Variants in TIMM10B observed in about 807,000 individuals in gnomAD.
TIMM10B encodes the protein mitochondrial import inner membrane translocase subunit Tim10 B.
A neutral mutation model predicts 12.6 loss-of-function variants in TIMM10B; 17 were observed. The observed-to-expected ratio is 1.35, with a 90% confidence interval of 0.92 to 2.03. TIMM10B has a LOEUF of 2.03. Ranked by LOEUF, TIMM10B falls within the 30% of genes most tolerant of loss-of-function variation. The probability of loss-of-function intolerance (pLI) is 0.00; values close to 1 mark genes in which losing one functional copy is unlikely to be tolerated. For missense variants in TIMM10B, 165 were observed against 133.3 expected, an observed-to-expected ratio of 1.24 and a Z score of -1.17; for synonymous variants, 63 against 51.3, an observed-to-expected ratio of 1.23 and a Z score of -0.97.
Position 6,483,675 on chromosome 11 carries a change from C to T in TIMM10B, c.*1454C>T, listed in dbSNP as rs954805152. 6.6e-6 allele frequency: 1 copy of T among 152,274 alleles called. No individual in the cohort carries two copies. The highest frequency in any genetic ancestry group is 6.5e-5 in the Admixed American group (1 of 15,290). The allele number at this position is 152,274 out of a possible 1,614,324, so 9.4% of individuals were successfully genotyped here. On this transcript the variant is annotated 3_prime_UTR_variant, in exon 3 of 3. Transcript: ENST00000254616. The stretch of plus-strand genomic sequence containing the variant: ...ACACCTCTACTGCTGTCCTTAATCC[C>T]ATACCCCACCCTCATCAGGTGACCC...
Position 6,481,757 on chromosome 11 carries a change from C to G in TIMM10B, c.40C>G (p.Leu14Val), listed in dbSNP as rs776882340. 4.3e-6 allele frequency: 7 copies of G among 1,614,152 alleles called. No homozygotes were observed. In the East Asian group the frequency reaches 1.6e-4, roughly 36 times the overall value. Residue 14 changes from leucine (L) to valine (V), a missense_variant and splice_region_variant, in exon 2 of 3, where the codon CTG becomes GTG. By Grantham distance (32) the Leu-to-Val change is conservative. Coordinates refer to ENST00000254616, the MANE Select transcript of TIMM10B (RefSeq NM_012192.4). ...QQQQQQQLRN[L>V]RDFLLVYNRM... Reference sequence around the variant, plus strand: ...GTTTGTGGTCCCCCTTTTCTCTCAGCTGCGTGACTTCCTGTTGGTCTACAA... The same window carrying G: ...GTTTGTGGTCCCCCTTTTCTCTCAGGTGCGTGACTTCCTGTTGGTCTACAA...
Position 6,481,987 on chromosome 11 carries a change from A to T in TIMM10B, c.136-58A>T. The T allele has an allele frequency of 3.1e-6, 5 of 1,595,198 alleles. No individual in the cohort carries two copies. The South Asian group carries it at 4.4e-5, about 14-fold the overall frequency. ...CCCCTAGGCTGGGCATGGGGAAGAAAGGAGGCGGACCCGACAGGGCACCTT... is the reference window on the plus strand; with the variant it reads ...CCCCTAGGCTGGGCATGGGGAAGAATGGAGGCGGACCCGACAGGGCACCTT... On this transcript the variant is annotated intron_variant, in intron 2 of 2. Coordinates refer to ENST00000254616, the MANE Select transcript of TIMM10B (RefSeq NM_012192.4).
At position 6,484,464 on chromosome 11, in the gene TIMM10B, C is replaced by G. The variant is rs1486804217; in HGVS notation, c.*2243C>G. On this transcript the variant is annotated 3_prime_UTR_variant, in exon 3 of 3. Coordinates refer to ENST00000254616, the MANE Select transcript of TIMM10B (RefSeq NM_012192.4). Reference sequence around the variant, plus strand: ...CCCCCTTTAGCTGCTATCTCTTGAACAGAAAAGTTTGTTAGGAAGGTAAAA... The same window carrying G: ...CCCCCTTTAGCTGCTATCTCTTGAAGAGAAAAGTTTGTTAGGAAGGTAAAA... 1 of 152,172 alleles carries G rather than the reference C, an allele frequency of 6.6e-6. No homozygotes were observed. Among genetic ancestry groups the G allele is most frequent in the African/African-American group, 2.4e-5 (1 of 41,454 alleles). 9.4% of individuals were successfully genotyped at this position (152,172 alleles called of 1,614,324 possible).
rs962690450 is a variant in TIMM10B, at chr11:6,483,939, T to G, written c.*1718T>G. The G allele has an allele frequency of 1.3e-5, 2 of 152,154 alleles. No homozygotes were observed. Among genetic ancestry groups the G allele is most frequent in the Admixed American group, 6.5e-5 (1 of 15,276 alleles). 9.4% of individuals were successfully genotyped at this position (152,154 alleles called of 1,614,324 possible). A position where few individuals can be genotyped will look rare whatever the true frequency, so the allele number is the denominator to read the frequency against. Reference sequence around the variant, plus strand: ...TTATTGAGCACACACTTTGTGTAGGTTCTGATTTTGGTAGATGTCATGCTT... The same window carrying G: ...TTATTGAGCACACACTTTGTGTAGGGTCTGATTTTGGTAGATGTCATGCTT... On this transcript the variant is annotated 3_prime_UTR_variant, in exon 3 of 3. Coordinates refer to ENST00000254616, the MANE Select transcript of TIMM10B (RefSeq NM_012192.4).
rs1406812452 is a variant in TIMM10B at position 6,484,561 on chromosome 11, T to G, written c.*2340T>G. 6.6e-6 allele frequency: 1 copy of G among 152,212 alleles called. No homozygotes were observed. Among genetic ancestry groups the G allele is most frequent in the Non-Finnish European group, 1.5e-5 (1 of 68,030 alleles). The allele number at this position is 152,212 out of a possible 1,614,324, so 9.4% of individuals were successfully genotyped here. On this transcript the variant is annotated 3_prime_UTR_variant, in exon 3 of 3. Transcript: ENST00000254616. Reference sequence around the variant, plus strand: ...AAATATAAATGCAAGTAAAACAGGTTTGAACTTCTTAACTTCCAGAAGATA... The same window carrying G: ...AAATATAAATGCAAGTAAAACAGGTGTGAACTTCTTAACTTCCAGAAGATA...
Position 6,481,534 on chromosome 11 carries a change from G to A in TIMM10B, c.18G>A (p.Gln6=), listed in dbSNP as rs779161044. The change falls in exon 1 of 3, where the codon CAG becomes CAA. Residue 6 remains glutamine (Q), a synonymous_variant. Transcript: ENST00000254616. MERQQ[Q]QQQQLRNLRD... is the part of the protein sequence containing the mutation. The stretch of plus-strand genomic sequence containing the variant: ...GTGGCGTGATGGAGCGGCAGCAGCA[G>A]CAGCAACAGCAACTGCGAAACGTAA... 1 of 1,611,964 alleles carries A rather than the reference G, an allele frequency of 6.2e-7. No homozygotes were observed. The highest frequency in any genetic ancestry group is 8.5e-7 in the Non-Finnish European group (1 of 1,179,380).
rs1367897883 is a variant in TIMM10B, at chr11:6,484,010, C to T, written c.*1789C>T. ...CTATAAGTAAGAGGTATTAACCTCACTTAACAGATGAGGAAGCAAGAATCC... is the reference window on the plus strand; with the variant it reads ...CTATAAGTAAGAGGTATTAACCTCATTTAACAGATGAGGAAGCAAGAATCC... On this transcript the variant is annotated 3_prime_UTR_variant, in exon 3 of 3. Coordinates refer to ENST00000254616, the MANE Select transcript of TIMM10B (RefSeq NM_012192.4). 2 of 151,990 alleles carry T rather than the reference C, an allele frequency of 1.3e-5. No homozygotes were observed. Among genetic ancestry groups the T allele is most frequent in the African/African-American group, 4.8e-5 (2 of 41,364 alleles). The allele number at this position is 151,990 out of a possible 1,614,324, so 9.4% of individuals were successfully genotyped here.
Position 6,481,906 on chromosome 11 carries a change from C to T in TIMM10B, c.135+54C>T, listed in dbSNP as rs900859470. 20 of 1,607,216 alleles carry T rather than the reference C, an allele frequency of 1.2e-5. No individual in the cohort carries two copies. The African/African-American group carries it at 2.3e-4, about 18-fold the overall frequency. On this transcript the variant is annotated intron_variant, in intron 2 of 2. Coordinates refer to ENST00000254616, the MANE Select transcript of TIMM10B (RefSeq NM_012192.4). The stretch of plus-strand genomic sequence containing the variant: ...GCAAGAAGAGTTTAGCGGTAGACTG[C>T]TTCCCTCCTCACCCCACTTCCCGTA...
Position 6,482,127 on chromosome 11 carries a change from C to G in TIMM10B, c.218C>G (p.Ala73Gly). ...GCCGCTTACGTGCAGCTCATGCCTG[C>G]CCTGGTACAGCGCCGCATCGCAGAC... ...LMAAYVQLMPALVQRRIADYE... is the reference protein window; with the variant it reads ...LMAAYVQLMPGLVQRRIADYE... The change falls in exon 3 of 3, where the codon GCC (alanine) becomes GGC (glycine). Residue 73 changes from alanine to glycine, a missense_variant. Ala to Gly is a moderately conservative substitution (Grantham distance 60). Transcript: ENST00000254616. 1 of 1,613,540 alleles carries G rather than the reference C, an allele frequency of 6.2e-7. No homozygotes were observed. Among genetic ancestry groups the G allele is most frequent in the Non-Finnish European group, 8.5e-7 (1 of 1,180,038 alleles).
Position 6,482,212 on chromosome 11 carries a change from A to C in TIMM10B, c.303A>C (p.Ser101=). The change falls in exon 3 of 3, where the codon TCA becomes TCC. Residue 101 remains serine (S), a synonymous_variant. Transcript: ENST00000254616. ...CTGAACAGCCTGGGGTCTCTCCATC[A>C]GGCAGCTAGCCATACCCAACCCCAG... The part of the protein sequence containing the change: ...VAAEQPGVSP[S]GS 6.2e-7 allele frequency: 1 copy of C among 1,604,798 alleles called. No homozygotes were observed. The highest frequency in any genetic ancestry group is 1.3e-5 in the African/African-American group (1 of 74,988).
Position 6,482,141 on chromosome 11 carries a change from C to T in TIMM10B, c.232C>T (p.Arg78Cys). Residue 78 changes from arginine (R) to cysteine (C), a missense_variant, in exon 3 of 3, where the codon CGC (arginine) becomes TGC (cysteine). Transcript: ENST00000254616. The part of the protein sequence containing the change: ...VQLMPALVQR[R>C]IADYEAASAV... ...GCTCATGCCTGCCCTGGTACAGCGC[C>T]GCATCGCAGACTACGAGGCTGCCTC... 1.9e-6 allele frequency: 3 copies of T among 1,613,034 alleles called. No individual in the cohort carries two copies. The highest frequency in any genetic ancestry group is 2.5e-6 in the Non-Finnish European group (3 of 1,180,022).
At position 6,482,284 on chromosome 11, in the gene TIMM10B, C is replaced by G. The variant is rs556813090; in HGVS notation, c.*63C>G. On this transcript the variant is annotated 3_prime_UTR_variant, in exon 3 of 3. Transcript: ENST00000254616. ...CCTCAGATTGAAGGACCCGGTGGAC[C>G]TTGGGGTTGGTGAATCCTAAACAGA... The G allele has an allele frequency of 6.7e-7, 1 of 1,487,072 alleles. No individual in the cohort carries two copies. The highest frequency in any genetic ancestry group is 1.2e-5 in the South Asian group (1 of 82,920). 92.1% of individuals were successfully genotyped at this position (1,487,072 alleles called of 1,614,324 possible). A position where few individuals can be genotyped will look rare whatever the true frequency, so the allele number is the denominator to read the frequency against.
Position 6,481,837 on chromosome 11 carries a change from T to G in TIMM10B, c.120T>G (p.Ala40=). 1 of 1,613,856 alleles carries G rather than the reference T, an allele frequency of 6.2e-7. No individual in the cohort carries two copies. Among genetic ancestry groups the G allele is most frequent in the Non-Finnish European group, 8.5e-7 (1 of 1,180,020 alleles). ...QRCVPSLHHR[A]LDAEEEACLH... ...GTGTGCCCAGCTTGCACCACCGAGC[T>G]CTGGACGCTGAGGAGGTGGGGAACT... Residue 40 remains alanine, a synonymous_variant, in exon 2 of 3, where the codon GCT becomes GCG. Coordinates refer to ENST00000254616, the MANE Select transcript of TIMM10B (RefSeq NM_012192.4).
chr11:6,482,824 T>G lies in TIMM10B; in HGVS notation c.*603T>G, dbSNP rs942373945. On this transcript the variant is annotated 3_prime_UTR_variant, in exon 3 of 3. Coordinates refer to ENST00000254616, the MANE Select transcript of TIMM10B (RefSeq NM_012192.4). ...TTCATAACTGTTGTTTTGTGAACTA[T>G]GTCTTACATGTCTAGAGTTCTGCTG... is the stretch of plus-strand genomic sequence containing the variant. 1 of 152,418 alleles carries G rather than the reference T, an allele frequency of 6.6e-6. No homozygotes were observed. Among genetic ancestry groups the G allele is most frequent in the Non-Finnish European group, 1.5e-5 (1 of 68,178 alleles). The allele number at this position is 152,418 out of a possible 1,614,324, so 9.4% of individuals were successfully genotyped here.
At position 6,481,552 on chromosome 11, in the gene TIMM10B, A is replaced by T; in HGVS notation, c.36A>T (p.Arg12=). ...ERQQQQQQQL[R]NLRDFLLVYN... is the part of the protein sequence containing the mutation. ...AGCAGCAGCAGCAACAGCAACTGCG[A>T]AACGTAAGTGAGAACTAAGTCGTTT... is the stretch of plus-strand genomic sequence containing the variant. Residue 12 remains arginine, a synonymous_variant, in exon 1 of 3, where the codon CGA becomes CGT. Coordinates refer to ENST00000254616, the MANE Select transcript of TIMM10B (RefSeq NM_012192.4). 6.2e-7 allele frequency: 1 copy of T among 1,608,462 alleles called. No homozygotes were observed. Among genetic ancestry groups the T allele is most frequent in the Non-Finnish European group, 8.5e-7 (1 of 1,177,646 alleles).
chr11:6,483,516 G>A lies in TIMM10B; in HGVS notation c.*1295G>A, dbSNP rs1044921542. ...TTCAAACTGCTAGAGAAAAACAGTTGTGTAATGAATGCCACTAAATATTCA... is the reference window on the plus strand; with the variant it reads ...TTCAAACTGCTAGAGAAAAACAGTTATGTAATGAATGCCACTAAATATTCA... On this transcript the variant is annotated 3_prime_UTR_variant, in exon 3 of 3. Coordinates refer to ENST00000254616, the MANE Select transcript of TIMM10B (RefSeq NM_012192.4). 6.6e-6 allele frequency: 1 copy of A among 152,248 alleles called. No homozygotes were observed. Among genetic ancestry groups the A allele is most frequent in the Admixed American group, 6.5e-5 (1 of 15,278 alleles). 9.4% of individuals were successfully genotyped at this position (152,248 alleles called of 1,614,324 possible).
rs751012611 is a variant in TIMM10B at position 6,481,525 on chromosome 11, G to C, written c.9G>C (p.Arg3=). The change falls in exon 1 of 3, where the codon CGG becomes CGC. Residue 3 remains arginine (R), a synonymous_variant. Coordinates refer to ENST00000254616, the MANE Select transcript of TIMM10B (RefSeq NM_012192.4). ...CATGCGCCGGTGGCGTGATGGAGCG[G>C]CAGCAGCAGCAGCAACAGCAACTGC... ME[R]QQQQQQQLRN... 13 of 1,578,858 alleles carry C rather than the reference G, an allele frequency of 8.2e-6. No homozygotes were observed. The South Asian group carries it at 1.5e-4, about 18-fold the overall frequency.
At chr11:6,481,599 C>T (rs1462860181) in intron 1 of TIMM10B, 44 bp downstream of exon 1, 3 of 1,577,008 alleles carry the variant, frequency 1.9e-6, no homozygotes. Context: ...GTTCAGCTCG[C>T]ATTCCTGCAC....
rs1851825785 is a variant in TIMM10B at position 6,482,260 on chromosome 11, C to T, written c.*39C>T. ...CAGGAAGGAAGGCCTTGGATGGACC[C>T]TCAGATTGAAGGACCCGGTGGACCT... On this transcript the variant is annotated 3_prime_UTR_variant, in exon 3 of 3. Coordinates refer to ENST00000254616, the MANE Select transcript of TIMM10B (RefSeq NM_012192.4). 6.4e-7 allele frequency: 1 copy of T among 1,561,856 alleles called. No individual in the cohort carries two copies. Among genetic ancestry groups the T allele is most frequent in the Non-Finnish European group, 8.7e-7 (1 of 1,149,716 alleles).
Sources: allele counts gnomAD v4.1 joint callset, GRCh38; gene constraint gnomAD v4.1.1; transcripts MANE v1.5; gene names NCBI Gene and HGNC (gene_info 2026-07-23, HGNC 2026-07-21).